The following CDH23 variants were observed in gnomAD, a reference collection of about 807,000 sequenced individuals.
CDH23 encodes the protein cadherin-23.
CDH23 carries 189 observed loss-of-function variants against 317.1 expected under a neutral mutation model. That is an observed-to-expected ratio of 0.60 (90% confidence interval 0.53 to 0.67). The LOEUF is 0.67. CDH23 is among the 30% of genes least tolerant of loss of function. The pLI is 0.00. For synonymous variants in CDH23, 1,839 were observed against 1,876.8 expected (o/e 0.98, Z 0.52); for missense variants, 4,401 against 4,592.4 (o/e 0.96, Z 1.20).
intron 3 of CDH23, among the ~76,000 whole-genome samples, chr10:71,447,386 C>T (rs948887493): frequency 6.6e-6 from 1 of 152,142 alleles, no homozygotes; most frequent in Non-Finnish European, 1.5e-5. Context: ...AGTGGGGTGC[C>T]TTACGCGGGC....
intron 55 of CDH23, among the ~76,000 whole-genome samples, chr10:71,804,772 C>T (rs1401312695): frequency 1.3e-5 from 2 of 152,140 alleles, no homozygotes; most frequent in African/African-American, 2.4e-5. Context: ...ATCTTCCTGA[C>T]CAATTTTTTT....
At chr10:71,727,659 A>G (rs1866877412) in intron 30 of CDH23, among the ~76,000 whole-genome samples, 1 of 152,126 alleles carries the variant, frequency 6.6e-6, no homozygotes, top group African/African-American at 2.4e-5. Flanking sequence ...TGTTCACGAC[A>G]CATACACACA....
rs1865831482 is a variant in CDH23 at position 71,707,369 on chromosome 10, C to G, written c.3106+320C>G. Reference sequence around the variant, plus strand: ...TCCTAGGGAGGAGCCCTGAGCCCCACTCCCCGCCCCAAGTCTGGGTGACAG... The same window carrying G: ...TCCTAGGGAGGAGCCCTGAGCCCCAGTCCCCGCCCCAAGTCTGGGTGACAG... On this transcript the variant is annotated intron_variant, in intron 26 of 69. Transcript: ENST00000224721. 3.1e-5 allele frequency: 43 copies of G among 1,370,086 alleles called. 1 individual carries two copies. The South Asian group carries it at 7.4e-4, about 24-fold the overall frequency. 84.9% of individuals were successfully genotyped at this position (1,370,086 alleles called of 1,614,324 possible). A position where few individuals can be genotyped will look rare whatever the true frequency, so the allele number is the denominator to read the frequency against.
At chr10:71,451,472 T>A (rs1310764027) in intron 3 of CDH23, among the ~76,000 whole-genome samples, 3 of 152,148 alleles carry the variant, frequency 2.0e-5, no homozygotes, top group African/African-American at 7.2e-5. Context: ...TAGCTCTACT[T>A]CATCTGTGCT....
intron 6 of CDH23, among the ~76,000 whole-genome samples, chr10:71,551,380 G>A (rs918820692): frequency 2.6e-5 from 4 of 152,146 alleles, no homozygotes; most frequent in African/African-American, 4.8e-5. Context: ...GGGCACCCCC[G>A]GGGCCAGGAG....
At chr10:71,413,368 G>T (rs1228690150) in intron 1 of CDH23, among the ~76,000 whole-genome samples, 1 of 152,088 alleles carries the variant, frequency 6.6e-6, no homozygotes, top group Non-Finnish European at 1.5e-5. Context: ...CCACCTTTTT[G>T]ATCACTGTAG....
intron 30 of CDH23, among the ~76,000 whole-genome samples, chr10:71,727,432 C>T (rs1866865440): frequency 6.6e-6 from 1 of 152,230 alleles, no homozygotes; most frequent in South Asian, 2.1e-4. Flanking sequence ...TACACAGCCT[C>T]CACACCCATG....
At chr10:71,734,993 T>A (rs1839517678) in intron 34 of CDH23, among the ~76,000 whole-genome samples, 1 of 152,208 alleles carries the variant, frequency 6.6e-6, no homozygotes, top group African/African-American at 2.4e-5. Flanking sequence ...CTGCTTAACG[T>A]CTCTGTGCTT....
chr10:71,500,810 T>TC lies in CDH23; in HGVS notation c.146-9272_146-9271insC, dbSNP rs879297300. Among the ~76,000 whole-genome samples the TC allele has an allele frequency of 3.6e-3, 497 of 138,464 alleles. 4 individuals carry two copies. Among genetic ancestry groups the TC allele is most frequent in the Middle Eastern group, 0.029 (8 of 276 alleles). The allele number at this position is 138,464 out of a possible 152,430, so 90.8% of individuals were successfully genotyped here. On this transcript the variant is annotated intron_variant, in intron 3 of 69. Coordinates refer to ENST00000224721, the MANE Select transcript of CDH23 (RefSeq NM_022124.6). ...TTTTCTTTTCTTTTCTTTTCTTTTC[T>TC]TTTCTTTTCTCTTTCCTTTCCTTTC...
chr10:71,410,308 G>T (rs1222042878), intron 1 of CDH23, among the ~76,000 whole-genome samples: 1 of 152,216 alleles, frequency 6.6e-6, no homozygotes, highest in Non-Finnish European at 1.5e-5. Flanking sequence ...GCCTGGGGGT[G>T]CCAAGAGTAA....
intron 6 of CDH23, among the ~76,000 whole-genome samples, chr10:71,525,457 G>A (rs1003227945): frequency 1.6e-4 from 24 of 152,320 alleles, no homozygotes; most frequent in African/African-American, 5.8e-4. Flanking sequence ...GAAGCAGGTT[G>A]TCTGCACAAC....
chr10:71,544,341 G>T (rs1856156081), intron 6 of CDH23, among the ~76,000 whole-genome samples: 1 of 152,190 alleles, frequency 6.6e-6, no homozygotes, highest in Non-Finnish European at 1.5e-5. Flanking sequence ...AGTTTCCAGA[G>T]GTGGAAGCAG....
intron 3 of CDH23, among the ~76,000 whole-genome samples, chr10:71,453,405 A>T (rs1850543044): frequency 6.6e-6 from 1 of 152,250 alleles, no homozygotes; most frequent in Non-Finnish European, 1.5e-5. Context: ...GCAGGCCGGC[A>T]ACTCCCCGCA....
Position 71,812,637 on chromosome 10 carries a change from A to G in CDH23, c.9510+28A>G, listed in dbSNP as rs371092928. The stretch of plus-strand genomic sequence containing the variant: ...GAGCCAGAGGCGGTCAGGCATCACA[A>G]GGGGCAGGGGTGGAGGGGCTGGGTC... On this transcript the variant is annotated intron_variant, in intron 67 of 69. Coordinates refer to ENST00000224721, the MANE Select transcript of CDH23 (RefSeq NM_022124.6). The G allele has an allele frequency of 9.3e-4, 1,499 of 1,613,684 alleles. 1 individual carries two copies. The highest frequency in any genetic ancestry group is 1.1e-3 in the Non-Finnish European group (1,336 of 1,179,820).
chr10:71,712,466 G>A, intron 27 of CDH23, 199 bp from the exon 28 acceptor site: 1 of 585,060 alleles, frequency 1.7e-6, no homozygotes, highest in Non-Finnish European at 3.0e-6. Flanking sequence ...AAGAATGGCT[G>A]GCACATGGTG....
chr10:71,651,006 G>A (rs1018288360), intron 14 of CDH23, among the ~76,000 whole-genome samples: 1 of 152,206 alleles, frequency 6.6e-6, no homozygotes, highest in Non-Finnish European at 1.5e-5. Context: ...ATGGCCCTGA[G>A]GACACATGGT....
chr10:71,810,790 G>C (rs1841893336), intron 62 of CDH23, among the ~76,000 whole-genome samples: 7 of 152,108 alleles, frequency 4.6e-5, no homozygotes, highest in Admixed American at 4.6e-4. Flanking sequence ...TGTAACATGG[G>C]AGTATTCAGG....
chr10:71,761,796 G>A, intron 38 of CDH23: 1 of 1,614,142 alleles, frequency 6.2e-7, no homozygotes, highest in Non-Finnish European at 8.5e-7. Context: ...TTGGCAGCCT[G>A]GTGGCCTCCA....
intron 9 of CDH23, among the ~76,000 whole-genome samples, chr10:71,583,337 C>T (rs932912904): frequency 9.2e-5 from 14 of 151,828 alleles, no homozygotes; most frequent in African/African-American, 2.9e-4. Context: ...GAATGCCAGC[C>T]CTGGTCCTGG....
Sources: allele counts gnomAD v4.1 joint callset (sites outside exome capture counted in the v4.1 genomes callset), GRCh38; gene constraint gnomAD v4.1.1; transcripts MANE v1.5; gene names NCBI Gene and HGNC (gene_info 2026-07-23, HGNC 2026-07-21).